Variants in TNFRSF1B observed in about 807,000 individuals in gnomAD.
TNFRSF1B encodes TNF receptor superfamily member 1B.
A neutral mutation model predicts 44.6 loss-of-function variants in TNFRSF1B; 19 were observed. The observed-to-expected ratio is 0.43, with a 90% CI of 0.30 to 0.62. TNFRSF1B has a LOEUF of 0.62. Ranked by LOEUF, TNFRSF1B falls within the 20% of genes least tolerant of loss-of-function variation. The pLI is 0.16. For missense variants in TNFRSF1B, 541 were observed against 619.9 expected, an observed-to-expected ratio of 0.87 and a Z score of 1.35; for synonymous variants, 252 against 261.1, an observed-to-expected ratio of 0.97 and a Z score of 0.34.
intron 2 of TNFRSF1B, among the ~76,000 whole-genome samples, chr1:12,189,981 G>C (rs1474698786): frequency 6.6e-6 from 1 of 152,218 alleles, no homozygotes; most frequent in African/African-American, 2.4e-5. Flanking sequence ...GTGTGGCCCA[G>C]GATGAGCGAA....
At chr1:12,194,109 G>A (rs1639213205) in intron 7 of TNFRSF1B, 77 bp downstream of exon 7, 2 of 1,201,644 alleles carry the variant, frequency 1.7e-6, no homozygotes, top group Non-Finnish European at 1.2e-6. Flanking sequence ...GTCCAGCACT[G>A]GGCACAGCCT....
intron 8 of TNFRSF1B, among the ~76,000 whole-genome samples, chr1:12,197,261 T>C (rs780640271): frequency 5.9e-5 from 9 of 152,194 alleles, no homozygotes; most frequent in Non-Finnish European, 1.3e-4. Flanking sequence ...TTCCTTTCAC[T>C]GTTGCTCTCA....
At chr1:12,194,420 G>A (rs370419108) in intron 7 of TNFRSF1B, among the ~76,000 whole-genome samples, 164 bp from the exon 8 acceptor site, 1 of 152,256 alleles carries the variant, frequency 6.6e-6, no homozygotes, top group East Asian at 1.9e-4. Flanking sequence ...GATGGTGGCA[G>A]GTGGAGTTGG....
At chr1:12,204,876 C>A (rs1474877783) in intron 9 of TNFRSF1B, among the ~76,000 whole-genome samples, 1 of 152,066 alleles carries the variant, frequency 6.6e-6, no homozygotes, top group Non-Finnish European at 1.5e-5. Flanking sequence ...AGGGAACAAT[C>A]AAAAAGTCCC....
At chr1:12,175,363 G>A (rs1638630970) in intron 1 of TNFRSF1B, among the ~76,000 whole-genome samples, 1 of 152,212 alleles carries the variant, frequency 6.6e-6, no homozygotes, top group Non-Finnish European at 1.5e-5. Flanking sequence ...GTGGCTTTGG[G>A]CAGGGGGTGG....
intron 1 of TNFRSF1B, among the ~76,000 whole-genome samples, chr1:12,183,692 C>T (rs1341543577): frequency 7.5e-6 from 1 of 132,684 alleles, no homozygotes; most frequent in African/African-American, 2.7e-5. Context: ...ATCTATCTAT[C>T]TATCTATCTA....
intron 1 of TNFRSF1B, among the ~76,000 whole-genome samples, chr1:12,167,808 A>G (rs5745955): frequency 0.037 from 5,634 of 152,190 alleles, 355 homozygotes; most frequent in African/African-American, 0.12. Flanking sequence ...GCCTCTGGGG[A>G]CAGGGCAAGC....
At chr1:12,188,418 A>T (rs1382034268) in intron 1 of TNFRSF1B, among the ~76,000 whole-genome samples, 2 of 152,152 alleles carry the variant, frequency 1.3e-5, no homozygotes, top group Non-Finnish European at 2.9e-5. Context: ...GCAGGAGGGA[A>T]GGAGAGGTAT....
In TNFRSF1B at chr1:12,206,858, A is replaced by C. The variant is rs777085409; in HGVS notation, c.1224A>C (p.Thr408=). Residue 408 remains threonine (T), a synonymous_variant, in exon 10 of 10, where the codon ACA becomes ACC. Coordinates refer to ENST00000376259, the MANE Select transcript of TNFRSF1B (RefSeq NM_001066.3). ...SSQASSTMGD[T]DSSPSESPKD... Reference sequence around the variant, plus strand: ...AAGCCAGCTCCACAATGGGAGACACAGATTCCAGCCCCTCGGAGTCCCCGA... The same window carrying C: ...AAGCCAGCTCCACAATGGGAGACACCGATTCCAGCCCCTCGGAGTCCCCGA... 1 of 1,614,122 alleles carries C rather than the reference A, an allele frequency of 6.2e-7. No homozygotes were observed. Among genetic ancestry groups the C allele is most frequent in the African/African-American group, 1.3e-5 (1 of 74,950 alleles).
At chr1:12,173,885 G>T (rs939830467) in intron 1 of TNFRSF1B, among the ~76,000 whole-genome samples, 2 of 152,192 alleles carry the variant, frequency 1.3e-5, no homozygotes, top group Admixed American at 1.3e-4. Flanking sequence ...AGGTGGCAGT[G>T]ATGTCACTGT....
At chr1:12,204,277 G>A (rs993931595) in intron 9 of TNFRSF1B, among the ~76,000 whole-genome samples, 6 of 151,896 alleles carry the variant, frequency 4.0e-5, no homozygotes, top group Non-Finnish European at 7.4e-5. Context: ...ATCCACCCCC[G>A]CAATGTCTCA....
intron 8 of TNFRSF1B, among the ~76,000 whole-genome samples, chr1:12,196,298 C>T (rs1297035964): frequency 6.6e-6 from 1 of 152,140 alleles, no homozygotes. Flanking sequence ...AAGACTCCAT[C>T]TCAAAAGAAA....
chr1:12,207,230 C>T lies in TNFRSF1B; in HGVS notation c.*210C>T. The T allele has an allele frequency of 2.1e-6, 1 of 484,634 alleles. No individual in the cohort carries two copies. Among genetic ancestry groups the T allele is most frequent in the South Asian group, 5.3e-5 (1 of 18,744 alleles). 30.0% of individuals were successfully genotyped at this position (484,634 alleles called of 1,614,324 possible). ...GCGAGTTGTGGAAAGCCTCTGCTGC[C>T]ATGGCGTGTCCCTCTCGGAAGGCTG... On this transcript the variant is annotated 3_prime_UTR_variant, in exon 10 of 10. Coordinates refer to ENST00000376259, the MANE Select transcript of TNFRSF1B (RefSeq NM_001066.3).
intron 1 of TNFRSF1B, among the ~76,000 whole-genome samples, chr1:12,183,645 T>TCTATCTA (rs1341643414): frequency 2.0e-5 from 3 of 147,982 alleles, no homozygotes; most frequent in East Asian, 2.0e-4. Context: ...TATCTAGCTA[T>TCTATCTA]TTTATCTATT....
intron 1 of TNFRSF1B, among the ~76,000 whole-genome samples, chr1:12,179,618 C>T (rs902371191): frequency 6.6e-6 from 1 of 152,176 alleles, no homozygotes; most frequent in Non-Finnish European, 1.5e-5. Flanking sequence ...TGCCCCTGCT[C>T]ACAGTGTGTT....
chr1:12,201,575 G>A (rs1033710766), intron 8 of TNFRSF1B, among the ~76,000 whole-genome samples: 1 of 152,058 alleles, frequency 6.6e-6, no homozygotes, highest in Non-Finnish European at 1.5e-5. Flanking sequence ...TGGGTTTAGA[G>A]TCCACACTCT....
rs190772934 is a variant in TNFRSF1B, at chr1:12,199,058, A to G, written c.901-2909A>G. 1.3e-5 allele frequency among the ~76,000 whole-genome samples: 2 copies of G among 152,194 alleles called. No individual in the cohort carries two copies. Among genetic ancestry groups the G allele is most frequent in the Non-Finnish European group, 2.9e-5 (2 of 67,990 alleles). Reference sequence around the variant, plus strand: ...CTCTACTGGGGTCCCAGCCCAAGGAATAGGACTCAGCCTGCTTCTGTGCCA... The same window carrying G: ...CTCTACTGGGGTCCCAGCCCAAGGAGTAGGACTCAGCCTGCTTCTGTGCCA... On this transcript the variant is annotated intron_variant, in intron 8 of 9. Transcript: ENST00000376259. This position sits in a 1 kb window ranked among gnomAD's most constrained non-coding sequence, Gnocchi z 4.0.
rs1227014141 is a variant in TNFRSF1B at position 12,171,186 on chromosome 1, T to A, written c.78+4017T>A. ...CCCGGCTAATTTTTCCTTTTTTTTTTTTTTTTTAGTAGAGACCGGGTTTTG... is the reference window on the plus strand; with the variant it reads ...CCCGGCTAATTTTTCCTTTTTTTTTATTTTTTTAGTAGAGACCGGGTTTTG... On this transcript the variant is annotated intron_variant, in intron 1 of 9. Coordinates refer to ENST00000376259, the MANE Select transcript of TNFRSF1B (RefSeq NM_001066.3). This position sits in a 1 kb window ranked among gnomAD's most constrained non-coding sequence, Gnocchi z 4.5. Among the ~76,000 whole-genome samples the A allele has an allele frequency of 6.6e-6, 1 of 151,654 alleles. No homozygotes were observed. Among genetic ancestry groups the A allele is most frequent in the East Asian group, 1.9e-4 (1 of 5,170 alleles).
intron 5 of TNFRSF1B, 131 bp from the exon 6 acceptor site, chr1:12,192,732 G>A (rs1043290864): frequency 1.1e-6 from 1 of 886,228 alleles, no homozygotes; most frequent in Non-Finnish European, 1.7e-6. Context: ...GGAGGGCTAG[G>A]AGGGGGTGGT....
Sources: gnomAD v4.1 joint callset for allele counts (sites outside exome capture counted in the v4.1 genomes callset) on GRCh38, gnomAD v4.1.1 for gene constraint, Gnocchi (gnomAD v3.1) non-coding constraint, MANE v1.5 for transcripts, NCBI Gene and HGNC (gene_info 2026-07-23, HGNC 2026-07-21) for gene names.